Variants in NETO2 observed in about 807,000 individuals in gnomAD.
NETO2 encodes the protein neuropilin and tolloid like 2, also known as neuropilin and tolloid-like protein 2.
A neutral mutation model predicts 62.5 loss-of-function variants in NETO2; 28 were observed. The ratio of observed to expected loss-of-function variants is 0.45; its 90% CI spans 0.33 to 0.61. The LOEUF (loss-of-function observed/expected upper bound fraction) is 0.61. NETO2 is among the 20% of genes least tolerant of loss of function. The pLI is 0.02. For synonymous variants in NETO2, 214 were observed against 219.1 expected (o/e 0.98, Z 0.21); for missense variants, 548 against 643.2 (o/e 0.85, Z 1.60).
intron 1 of NETO2, among the ~76,000 whole-genome samples, chr16:47,142,211 C>T (rs775226835): frequency 3.3e-5 from 5 of 152,130 alleles, no homozygotes; most frequent in Admixed American, 6.5e-5. Context: ...ATGAAAGCCA[C>T]AGGATGAATT....
intron 4 of NETO2, among the ~76,000 whole-genome samples, chr16:47,126,824 T>C (rs1021657991): frequency 5.9e-5 from 9 of 152,214 alleles, no homozygotes; most frequent in African/African-American, 2.2e-4. Flanking sequence ...CCTTTTGGTA[T>C]TGTGCAAATA....
intron 7 of NETO2, among the ~76,000 whole-genome samples, chr16:47,094,718 G>A (rs956865860): frequency 1.4e-5 from 2 of 144,278 alleles, no homozygotes; most frequent in Admixed American, 7.0e-5. Flanking sequence ...GAGCCACCGC[G>A]CCTGGCCATT....
At chr16:47,110,156 T>C (rs183538542) in intron 6 of NETO2, among the ~76,000 whole-genome samples, 2 of 152,356 alleles carry the variant, frequency 1.3e-5, no homozygotes, top group African/African-American at 4.8e-5. Context: ...CATCCTACTT[T>C]AGCTGTAACA....
rs1266927532 is a variant in NETO2, at chr16:47,081,229, A to G, written c.*1992T>C. On this transcript the variant is annotated 3_prime_UTR_variant, in exon 9 of 9. Coordinates refer to ENST00000562435, the MANE Select transcript of NETO2 (RefSeq NM_018092.5). ...ATATGCTAACTTCCCTTTTATCATC[A>G]TAAGATCATAGTTGTTGTTATATTA... 1 of 152,174 alleles carries G rather than the reference A, an allele frequency of 6.6e-6. No individual in the cohort carries two copies. Among genetic ancestry groups the G allele is most frequent in the East Asian group, 1.9e-4 (1 of 5,204 alleles). The allele number at this position is 152,174 out of a possible 1,614,324, so 9.4% of individuals were successfully genotyped here.
intron 6 of NETO2, among the ~76,000 whole-genome samples, chr16:47,120,948 A>G (rs1043901866): frequency 6.6e-6 from 1 of 152,066 alleles, no homozygotes; most frequent in Non-Finnish European, 1.5e-5. Flanking sequence ...CGACATGGTA[A>G]CAAGGCTGGA....
intron 3 of NETO2, 122 bp from the exon 4 acceptor site, chr16:47,128,695 G>T: frequency 9.9e-7 from 1 of 1,007,620 alleles, no homozygotes; most frequent in Non-Finnish European, 1.5e-6. Flanking sequence ...AGGTCTTAGT[G>T]AGAATTGCTA....
rs566173185 is a variant in NETO2, at chr16:47,132,263, T to C, written c.35-238A>G. Among the ~76,000 whole-genome samples the C allele has an allele frequency of 2.0e-5, 3 of 151,932 alleles. No homozygotes were observed. In the South Asian group the frequency reaches 6.2e-4, roughly 32 times the overall value. On this transcript the variant is annotated intron_variant, in intron 1 of 8. Transcript: ENST00000562435. ...TCATTTATAAGCATTTAATAATACA[T>C]GGCATTGAAAGCATTTTTCAACTTA...
intron 6 of NETO2, among the ~76,000 whole-genome samples, chr16:47,114,539 C>A (rs192125316): frequency 1.4e-3 from 205 of 148,530 alleles, no homozygotes; most frequent in African/African-American, 5.0e-3. Context: ...CAAGCTCCGC[C>A]TCCCGGGTTC....
chr16:47,130,183 T>G (rs1964236379), intron 2 of NETO2, among the ~76,000 whole-genome samples: 1 of 152,202 alleles, frequency 6.6e-6, no homozygotes, highest in African/African-American at 2.4e-5. Context: ...CGTTTCCTGC[T>G]TAACTCCCAC....
chr16:47,128,528 T>A lies in NETO2; in HGVS notation c.278A>T (p.Tyr93Phe), dbSNP rs1328387002. ...CCGACACTCAAATGATGGTTCTATA[T>A]AATAATGTTCATCAAAGGTCAACTC... is the stretch of plus-strand genomic sequence containing the variant. Reference protein sequence around the residue: ...RIELTFDEHYYIEPSFECRFD... With the variant: ...RIELTFDEHYFIEPSFECRFD... Residue 93 changes from tyrosine (Y) to phenylalanine (F), a missense_variant, in exon 4 of 9, where the codon TAT becomes TTT. Transcript: ENST00000562435. 2.5e-6 allele frequency: 4 copies of A among 1,613,666 alleles called. No homozygotes were observed. Among genetic ancestry groups the A allele is most frequent in the Non-Finnish European group, 3.4e-6 (4 of 1,179,960 alleles).
rs142670263 is a variant in NETO2 at position 47,129,032 on chromosome 16, C to G, written c.232+192G>C. On this transcript the variant is annotated intron_variant, in intron 3 of 8. Transcript: ENST00000562435. ...TAGTTGAATTATACTTTGGGAGATTCAAACTTCCCCTAACATTTCTGCTAG... is the reference window on the plus strand; with the variant it reads ...TAGTTGAATTATACTTTGGGAGATTGAAACTTCCCCTAACATTTCTGCTAG... Among the ~76,000 whole-genome samples, 7 of 152,314 alleles carry G rather than the reference C, an allele frequency of 4.6e-5. No homozygotes were observed. The South Asian group carries it at 8.3e-4, about 18-fold the overall frequency.
intron 7 of NETO2, among the ~76,000 whole-genome samples, chr16:47,094,117 T>C (rs984617404): frequency 1.8e-4 from 28 of 152,162 alleles, no homozygotes; most frequent in Admixed American, 1.3e-4. Context: ...TGCCCAAATG[T>C]AGATTAAAGT....
intron 7 of NETO2, among the ~76,000 whole-genome samples, chr16:47,100,995 AC>A (rs1963529033): frequency 6.6e-6 from 1 of 152,210 alleles, no homozygotes; most frequent in African/African-American, 2.4e-5. Flanking sequence ...CAGAGACACA[AC>A]AAAAAAGAAA....
chr16:47,113,577 A>C (rs1963845820), intron 6 of NETO2, among the ~76,000 whole-genome samples: 1 of 146,198 alleles, frequency 6.8e-6, no homozygotes, highest in South Asian at 2.1e-4. Flanking sequence ...GATGTACCAC[A>C]GTTTATTCTT....
rs1246489477 is a variant in NETO2, at chr16:47,129,345, G to T, written c.111C>A (p.Ile37=). The T allele has an allele frequency of 6.2e-7, 1 of 1,613,910 alleles. No individual in the cohort carries two copies. Among genetic ancestry groups the T allele is most frequent in the East Asian group, 2.2e-5 (1 of 44,872 alleles). Residue 37 remains isoleucine, a synonymous_variant, in exon 3 of 9, where the codon ATC becomes ATA. Coordinates refer to ENST00000562435, the MANE Select transcript of NETO2 (RefSeq NM_018092.5). ...CACACTGGGTTGCAGGAATATGCTT[G>T]ATTCCAATATTTTGTCCATCTTAGG... is the stretch of plus-strand genomic sequence containing the variant. ...QKTQDGQNIG[I]KHIPATQCGI...
intron 1 of NETO2, among the ~76,000 whole-genome samples, chr16:47,135,099 T>G (rs1964340708): frequency 6.6e-6 from 1 of 152,230 alleles, no homozygotes; most frequent in African/African-American, 2.4e-5. Context: ...GGTAATACAG[T>G]TGTGACTATT....
At position 47,083,100 on chromosome 16, in the gene NETO2, CGGTAAATCAA is replaced by C. The variant is rs899979382; in HGVS notation, c.*111_*120del. On this transcript the variant is annotated 3_prime_UTR_variant, in exon 9 of 9. Transcript: ENST00000562435. The stretch of plus-strand genomic sequence containing the variant: ...AAAACATCACCATACAATAGGTTAA[CGGTAAATCAA>C]GGTCTTCGTAGTTGTGATGGGAGAA... The C allele has an allele frequency of 4.8e-6, 4 of 833,790 alleles. No homozygotes were observed. The highest frequency in any genetic ancestry group is 7.6e-6 in the Non-Finnish European group (4 of 527,676). The allele number at this position is 833,790 out of a possible 1,614,324, so 51.6% of individuals were successfully genotyped here.
chr16:47,122,324 A>G (rs1245741690), intron 6 of NETO2, among the ~76,000 whole-genome samples: 1 of 152,162 alleles, frequency 6.6e-6, no homozygotes, highest in Non-Finnish European at 1.5e-5. Context: ...TCTTCCTCAT[A>G]AAGCTGTTAA....
intron 7 of NETO2, among the ~76,000 whole-genome samples, chr16:47,090,078 G>A (rs543397634): frequency 4.6e-5 from 7 of 152,052 alleles, no homozygotes; most frequent in African/African-American, 1.7e-4. Context: ...ACTACCATTG[G>A]TTTTTAAGGT....
Sources: allele counts gnomAD v4.1 joint callset (sites outside exome capture counted in the v4.1 genomes callset), GRCh38; gene constraint gnomAD v4.1.1; transcripts MANE v1.5; gene names NCBI Gene and HGNC (gene_info 2026-07-23, HGNC 2026-07-21).